Variants in MBP observed in about 807,000 individuals in gnomAD.
The protein encoded by MBP is myelin basic protein.
A neutral mutation model predicts 35.8 loss-of-function variants in MBP; 16 were observed. That is an observed-to-expected ratio of 0.45 (90% CI 0.30 to 0.68). The LOEUF (loss-of-function observed/expected upper bound fraction) is 0.68, where lower values mean the gene tolerates loss of function less well. Among genes scored for constraint, MBP ranks in the 30% least tolerant of loss-of-function variants. The pLI, the probability that MBP is intolerant of heterozygous loss-of-function variation, is 0.08. For synonymous variants in MBP, 143 were observed against 159.6 expected (o/e 0.90, Z 0.78); for missense variants, 380 against 404.7 (o/e 0.94, Z 0.52).
At chr18:77,092,248 G>A (rs1156641763) in intron 2 of MBP, among the ~76,000 whole-genome samples, 1 of 152,274 alleles carries the variant, frequency 6.6e-6, no homozygotes, top group African/African-American at 2.4e-5. Flanking sequence ...GCGCTGAGCA[G>A]ACTGGTGACT....
rs182340798 is a variant in MBP at position 76,989,687 on chromosome 18, A to G, written c.681+269T>C. The G allele has an allele frequency of 2.0e-4, 85 of 415,132 alleles. No individual in the cohort carries two copies. Among genetic ancestry groups the G allele is most frequent in the African/African-American group, 1.5e-3 (72 of 47,514 alleles). The allele number at this position is 415,132 out of a possible 1,614,324, so 25.7% of individuals were successfully genotyped here. On this transcript the variant is annotated intron_variant, in intron 5 of 8. Coordinates refer to ENST00000355994, the MANE Select transcript of MBP (RefSeq NM_001025101.2). This position sits in a 1 kb window ranked among gnomAD's most constrained non-coding sequence, Gnocchi z 4.0. The stretch of plus-strand genomic sequence containing the variant: ...GTTGCAAAGCCTGTGTTTTTAGGCT[A>G]AGCGTTACATGGGAGCCTAATCTCA...
At chr18:77,111,070 G>A (rs181985167) in intron 1 of MBP, among the ~76,000 whole-genome samples, 5 of 152,244 alleles carry the variant, frequency 3.3e-5, no homozygotes, top group Admixed American at 2.0e-4. Flanking sequence ...TAGACCTCTC[G>A]CTGGGTCTCG....
At chr18:77,104,331 T>C (rs925480352) in intron 2 of MBP, among the ~76,000 whole-genome samples, 1 of 152,134 alleles carries the variant, frequency 6.6e-6, no homozygotes, top group African/African-American at 2.4e-5. Context: ...CCCTGGCAGG[T>C]CTGAAGTCTC....
At chr18:77,036,506 T>C (rs1432804895) in intron 3 of MBP, among the ~76,000 whole-genome samples, 1 of 127,052 alleles carries the variant, frequency 7.9e-6, no homozygotes, top group Non-Finnish European at 1.6e-5. Context: ...TGGTCACATT[T>C]TGGAGACTGA....
chr18:76,980,243 C>T lies in MBP; in HGVS notation c.*184G>A. ...TAACCGTTTTCTGTTTTCATGTTCT[C>T]ATTTAACTGTTGGCCGGAAATTGCC... On this transcript the variant is annotated 3_prime_UTR_variant, in exon 9 of 9. Transcript: ENST00000355994. 1 of 714,036 alleles carries T rather than the reference C, an allele frequency of 1.4e-6. No individual in the cohort carries two copies. The allele number at this position is 714,036 out of a possible 1,614,324, so 44.2% of individuals were successfully genotyped here.
intron 2 of MBP, among the ~76,000 whole-genome samples, chr18:77,071,378 T>TA (rs1274147392): frequency 6.6e-6 from 1 of 152,046 alleles, no homozygotes; most frequent in African/African-American, 2.4e-5. Context: ...GCATTTCCCT[T>TA]AAAAAATGCT....
chr18:77,010,216 CAA>C (rs1249102621), intron 4 of MBP: 1 of 460,904 alleles, frequency 2.2e-6, no homozygotes, highest in East Asian at 4.0e-5. Flanking sequence ...TTCTCTCCTC[CAA>C]AGTCTATTCT....
chr18:76,986,168 G>T (rs1329924544), intron 7 of MBP: 4 of 985,432 alleles, frequency 4.1e-6, no homozygotes, highest in Non-Finnish European at 4.8e-6. Context: ...CAGGGATCTT[G>T]GTTGGCCTCC....
At chr18:77,021,916 G>T (rs1353089389) in intron 3 of MBP, among the ~76,000 whole-genome samples, 1 of 152,144 alleles carries the variant, frequency 6.6e-6, no homozygotes, top group African/African-American at 2.4e-5. Flanking sequence ...GGTGACACAG[G>T]CCCCTTCAGC....
chr18:77,049,209 G>A (rs572355710), intron 3 of MBP, among the ~76,000 whole-genome samples: 1 of 149,148 alleles, frequency 6.7e-6, no homozygotes, highest in Non-Finnish European at 1.5e-5. Context: ...GTGAGCCACC[G>A]CACCCGGCCG....
intron 8 of MBP, chr18:76,981,571 C>G (rs1257650448): frequency 6.6e-6 from 1 of 152,198 alleles, no homozygotes; most frequent in Non-Finnish European, 1.5e-5. Flanking sequence ...ACAACTCACT[C>G]AAGGGATTTT....
intron 1 of MBP, chr18:77,110,104 A>G (rs1037626507): frequency 1.3e-5 from 2 of 152,234 alleles, no homozygotes; most frequent in Non-Finnish European, 2.9e-5. Flanking sequence ...TACAGTTGAG[A>G]AAGTTTAGAA....
chr18:76,987,467 T>A (rs1260925591), intron 7 of MBP: 1 of 985,396 alleles, frequency 1.0e-6, no homozygotes, highest in Non-Finnish European at 1.2e-6. Flanking sequence ...TGATCTGGGA[T>A]CCTCATGGTC....
intron 8 of MBP, chr18:76,982,758 TTGGAAG>T (rs1370554354): frequency 1.3e-5 from 2 of 152,234 alleles, no homozygotes; most frequent in African/African-American, 2.4e-5. Context: ...TATTAATCTA[TTGGAAG>T]TGCTCCAAGT....
At chr18:76,992,593 CT>C (rs1969999965) in intron 4 of MBP, among the ~76,000 whole-genome samples, 2 of 152,342 alleles carry the variant, frequency 1.3e-5, no homozygotes, top group East Asian at 3.9e-4. Flanking sequence ...TCTTTGTCCC[CT>C]GGGCCCTAAC....
At chr18:76,992,228 C>T (rs971180545) in intron 4 of MBP, among the ~76,000 whole-genome samples, 1 of 152,126 alleles carries the variant, frequency 6.6e-6, no homozygotes, top group South Asian at 2.1e-4. Flanking sequence ...GGTAGGGGAA[C>T]GTTTTTGGGA....
chr18:77,074,666 C>T (rs930607746), intron 2 of MBP, among the ~76,000 whole-genome samples: 1 of 152,112 alleles, frequency 6.6e-6, no homozygotes, highest in Non-Finnish European at 1.5e-5. Context: ...AAAGGGAAGC[C>T]AGGCACAGCT....
At chr18:77,006,387 C>T (rs1264395053) in intron 4 of MBP, 3 of 152,488 alleles carry the variant, frequency 2.0e-5, no homozygotes, top group East Asian at 1.9e-4. Context: ...TTGGCGGGGC[C>T]GAGAGGAGCC....
chr18:76,997,423 CAG>C (rs1170992515), intron 4 of MBP, among the ~76,000 whole-genome samples: 2 of 152,244 alleles, frequency 1.3e-5, no homozygotes, highest in African/African-American at 4.8e-5. Flanking sequence ...GGGACTGAAA[CAG>C]AGAGTCTCCA....
Sources: gnomAD v4.1 joint callset for allele counts (sites outside exome capture counted in the v4.1 genomes callset) on GRCh38, gnomAD v4.1.1 for gene constraint, Gnocchi (gnomAD v3.1) non-coding constraint, MANE v1.5 for transcripts, NCBI Gene and HGNC (gene_info 2026-07-23, HGNC 2026-07-21) for gene names.